Variants in RBFOX1 observed in about 807,000 individuals in gnomAD.
RBFOX1 encodes RNA binding fox-1 homolog 1.
Under a neutral mutation model 57.7 loss-of-function variants are expected in RBFOX1, and 8 were observed. That is an observed-to-expected ratio of 0.14 (90% CI 0.08 to 0.25). RBFOX1 has a LOEUF of 0.25. Ranked by LOEUF, RBFOX1 falls within the 10% of genes least tolerant of loss-of-function variation. The probability of loss-of-function intolerance (pLI) is 1.00; values close to 1 mark genes in which losing one functional copy is unlikely to be tolerated. For synonymous variants in RBFOX1, 326 were observed against 222.4 expected (o/e 1.47, Z -4.15); for missense variants, 611 against 548.5 (o/e 1.11, Z -1.14).
chr16:5,499,052 C>G (rs1025820287), intron 2 of RBFOX1, among the ~76,000 whole-genome samples: 5 of 152,178 alleles, frequency 3.3e-5, no homozygotes, highest in South Asian at 2.1e-4. Flanking sequence ...TCAATATGCA[C>G]AAGTGCCCCA....
At chr16:6,130,968 A>G (rs945859091) in intron 1 of RBFOX1, among the ~76,000 whole-genome samples, 1 of 152,224 alleles carries the variant, frequency 6.6e-6, no homozygotes, top group Non-Finnish European at 1.5e-5. Flanking sequence ...TTGAAAAAAC[A>G]TTCATAACCA....
intron 4 of RBFOX1, among the ~76,000 whole-genome samples, chr16:7,057,608 T>C (rs777332762): frequency 6.6e-6 from 1 of 152,312 alleles, no homozygotes; most frequent in South Asian, 2.1e-4. Context: ...TCTGGGCCAG[T>C]TGGATCTGTC....
At chr16:5,952,115 A>G (rs560378056) in intron 4 of RBFOX1, among the ~76,000 whole-genome samples, 3 of 150,502 alleles carry the variant, frequency 2.0e-5, no homozygotes, top group Admixed American at 1.3e-4. Context: ...ACATATATGT[A>G]TACACACACA....
chr16:7,036,824 A>G (rs2044606426), intron 3 of RBFOX1, among the ~76,000 whole-genome samples: 1 of 152,206 alleles, frequency 6.6e-6, no homozygotes, highest in Non-Finnish European at 1.5e-5. Context: ...TGGCTAGTTC[A>G]TAGACAGAGT....
In RBFOX1 at chr16:5,592,810, G is replaced by A. The variant is rs548588735; in HGVS notation, c.259-6092G>A. On this transcript the variant is annotated intron_variant, in intron 2 of 2. Transcript: ENST00000585867. ...CTCAGCCTGCTTGCTTTCTCTTGGC[G>A]TCCAGAATTCCCAAGGAGATATGTC... Among the ~76,000 whole-genome samples, 44 of 152,262 alleles carry A rather than the reference G, an allele frequency of 2.9e-4. No homozygotes were observed. In the South Asian group the frequency reaches 5.0e-3, roughly 17 times the overall value.
At chr16:5,677,862 G>A (rs920878468) in intron 3 of RBFOX1, among the ~76,000 whole-genome samples, 4 of 152,188 alleles carry the variant, frequency 2.6e-5, no homozygotes, top group South Asian at 2.1e-4. Context: ...TTATGGGTAT[G>A]AGGGGTGCAA....
At chr16:7,093,510 C>T (rs1276160825) in intron 4 of RBFOX1, among the ~76,000 whole-genome samples, 1 of 152,148 alleles carries the variant, frequency 6.6e-6, no homozygotes, top group East Asian at 1.9e-4. Flanking sequence ...ATCTTTAAGT[C>T]AGAGGTACCC....
chr16:6,232,335 C>T (rs2097468866), intron 1 of RBFOX1, among the ~76,000 whole-genome samples: 1 of 152,206 alleles, frequency 6.6e-6, no homozygotes, highest in Non-Finnish European at 1.5e-5. Context: ...GGCTGGAAAA[C>T]TGCAGCTAAT....
intron 4 of RBFOX1, among the ~76,000 whole-genome samples, chr16:7,363,369 G>T (rs1365437345): frequency 1.3e-5 from 2 of 152,088 alleles, no homozygotes; most frequent in Non-Finnish European, 2.9e-5. Context: ...GTCCAAGGGG[G>T]TAAAACAAAG....
intron 14 of RBFOX1, among the ~76,000 whole-genome samples, chr16:7,680,281 G>T (rs1283184405): frequency 1.3e-5 from 2 of 152,062 alleles, no homozygotes; most frequent in East Asian, 1.9e-4. Context: ...GTGCGGAGGG[G>T]GTGGAAAAGA....
At chr16:6,099,973 G>C (rs1269483847) in intron 1 of RBFOX1, among the ~76,000 whole-genome samples, 1 of 152,122 alleles carries the variant, frequency 6.6e-6, no homozygotes, top group Non-Finnish European at 1.5e-5. Context: ...GCCTCATTCT[G>C]AATCCAGGAG....
chr16:7,345,085 C>G (rs4357954), intron 4 of RBFOX1, among the ~76,000 whole-genome samples: 22,747 of 152,108 alleles, frequency 0.15, 2,236 homozygotes, highest in African/African-American at 0.29. Context: ...GCTCTATTTT[C>G]AAGACCTTTA....
At chr16:5,803,742 A>T (rs1038521952) in intron 3 of RBFOX1, among the ~76,000 whole-genome samples, 1 of 152,176 alleles carries the variant, frequency 6.6e-6, no homozygotes, top group Non-Finnish European at 1.5e-5. Flanking sequence ...AGGATGCATT[A>T]TCTACCTTCT....
chr16:7,709,448 TTTTTTTTTTC>T (rs1568613237), intron 15 of RBFOX1: 14 of 1,305,616 alleles, frequency 1.1e-5, no homozygotes, highest in South Asian at 1.7e-5. Flanking sequence ...AATGCAGAAC[TTTTTTTTTTC>T]TTTTTTTTTC....
intron 3 of RBFOX1, among the ~76,000 whole-genome samples, chr16:6,881,533 A>C (rs1352130706): frequency 6.6e-6 from 1 of 152,142 alleles, no homozygotes; most frequent in East Asian, 1.9e-4. Flanking sequence ...CCGTCTATGC[A>C]TGTCTGTGTC....
At chr16:7,472,111 A>G (rs899691662) in intron 4 of RBFOX1, among the ~76,000 whole-genome samples, 7 of 152,238 alleles carry the variant, frequency 4.6e-5, no homozygotes, top group African/African-American at 1.7e-4. Context: ...TCATTAAAAA[A>G]TCGAAGAATA....
chr16:7,087,197 G>T (rs1030584351), intron 4 of RBFOX1, among the ~76,000 whole-genome samples: 2 of 152,100 alleles, frequency 1.3e-5, no homozygotes, highest in Non-Finnish European at 2.9e-5. Context: ...TTTTCTCTGC[G>T]GCTGGAGCTT....
chr16:6,712,270 C>T (rs2063843842), intron 3 of RBFOX1, among the ~76,000 whole-genome samples: 1 of 152,078 alleles, frequency 6.6e-6, no homozygotes, highest in East Asian at 1.9e-4. Flanking sequence ...GTGTCAATGC[C>T]ATCAGTCTAC....
rs148896188 is a variant in RBFOX1, at chr16:6,134,971, A to G, written c.-127+114979A>G. Among the ~76,000 whole-genome samples, 18 of 152,180 alleles carry G rather than the reference A, an allele frequency of 1.2e-4. No individual in the cohort carries two copies. In the East Asian group the frequency reaches 2.9e-3, roughly 25 times the overall value. On this transcript the variant is annotated intron_variant, in intron 1 of 15. Coordinates refer to ENST00000550418, the MANE Select transcript of RBFOX1 (RefSeq NM_018723.4). ...TAACTCATCGTTTAACATTAGGTATATCTCCAACTGCTGTCCGTCCCCCCT... is the reference window on the plus strand; with the variant it reads ...TAACTCATCGTTTAACATTAGGTATGTCTCCAACTGCTGTCCGTCCCCCCT...
Sources: gnomAD v4.1 joint callset for allele counts (sites outside exome capture counted in the v4.1 genomes callset) on GRCh38, gnomAD v4.1.1 for gene constraint, MANE v1.5 for transcripts, NCBI Gene and HGNC (gene_info 2026-07-23, HGNC 2026-07-21) for gene names.